The following TMEM131L variants were observed in gnomAD, a reference collection of about 807,000 sequenced individuals.
The protein encoded by TMEM131L is transmembrane protein 131-like.
In TMEM131L, 54 loss-of-function variants were observed where a neutral mutation model predicts 192.2. That is an observed-to-expected ratio of 0.28 (90% CI 0.23 to 0.35). The LOEUF (loss-of-function observed/expected upper bound fraction) is 0.35, where lower values mean the gene tolerates loss of function less well. Ranked by LOEUF, TMEM131L falls within the 10% of genes least tolerant of loss-of-function variation. The probability of loss-of-function intolerance (pLI) is 1.00; values close to 1 mark genes in which losing one functional copy is unlikely to be tolerated. For missense variants in TMEM131L, 1,888 were observed against 1,972.9 expected (o/e 0.96, Z 0.82); for synonymous variants, 701 against 704.9 (o/e 0.99, Z 0.09).
Position 153,555,931 on chromosome 4 carries a change from G to A in TMEM131L, c.432+21G>A, listed in dbSNP as rs192392331. On this transcript the variant is annotated intron_variant, in intron 5 of 34. Coordinates refer to ENST00000409959, the MANE Select transcript of TMEM131L (RefSeq NM_001131007.2). The surrounding 1 kb of genome is among the most constrained non-coding windows in gnomAD (Gnocchi z 4.1). ...GCAGGGTGGGTGTTGATGGACTCCT[G>A]GAAACTATGCCGTGGCAGGCAGCCA... 2.6e-6 allele frequency: 4 copies of A among 1,548,388 alleles called. No individual in the cohort carries two copies. The East Asian group carries it at 9.8e-5, about 38-fold the overall frequency.
intron 7 of TMEM131L, among the ~76,000 whole-genome samples, chr4:153,560,758 T>C (rs546034607): frequency 1.2e-4 from 18 of 152,370 alleles, no homozygotes; most frequent in Middle Eastern, 3.4e-3. Flanking sequence ...ATAATACACA[T>C]TGTAGGATAT....
Position 153,540,220 on chromosome 4 carries a change from G to A in TMEM131L, c.240-9853G>A, listed in dbSNP as rs187734889. Among the ~76,000 whole-genome samples the A allele has an allele frequency of 2.6e-5, 4 of 151,928 alleles. No homozygotes were observed. The East Asian group carries it at 7.7e-4, about 29-fold the overall frequency. On this transcript the variant is annotated intron_variant, in intron 3 of 34. Coordinates refer to ENST00000409959, the MANE Select transcript of TMEM131L (RefSeq NM_001131007.2). ...CCGGGTCATAAAGTTACATAGGATT[G>A]TTCTTCGGTCCTACTGAGAAACTCT...
chr4:153,478,778 CT>C (rs1222897620), intron 3 of TMEM131L, among the ~76,000 whole-genome samples: 2 of 152,076 alleles, frequency 1.3e-5, no homozygotes. Flanking sequence ...GTCATTTATC[CT>C]TAATCTTATT....
At chr4:153,568,279 T>C (rs939748073) in intron 7 of TMEM131L, among the ~76,000 whole-genome samples, 1 of 152,128 alleles carries the variant, frequency 6.6e-6, no homozygotes, top group Non-Finnish European at 1.5e-5. Flanking sequence ...AGTGGGGGTG[T>C]TCTCCCTCCC....
In TMEM131L at chr4:153,635,417, T is replaced by C; in HGVS notation, c.4418-15T>C. ...AAAATGTTTACCTATGATGATATTC[T>C]CCCATTCTTTGTAGAAAACATGAAC... On this transcript the variant is annotated splice_polypyrimidine_tract_variant and intron_variant, in intron 33 of 34. Coordinates refer to ENST00000409959, the MANE Select transcript of TMEM131L (RefSeq NM_001131007.2). The C allele has an allele frequency of 6.2e-7, 1 of 1,612,670 alleles. No homozygotes were observed. Among genetic ancestry groups the C allele is most frequent in the Non-Finnish European group, 8.5e-7 (1 of 1,178,904 alleles).
intron 3 of TMEM131L, among the ~76,000 whole-genome samples, chr4:153,487,452 C>T (rs1732419757): frequency 6.6e-6 from 1 of 152,146 alleles, no homozygotes. Flanking sequence ...ATCAGGGTCT[C>T]ATATGTCCTG....
intron 7 of TMEM131L, among the ~76,000 whole-genome samples, chr4:153,560,031 T>G (rs1411248809): frequency 1.3e-5 from 2 of 152,054 alleles, no homozygotes; most frequent in African/African-American, 4.8e-5. Flanking sequence ...TTTCTCCAAA[T>G]TAACCCTTAT....
intron 7 of TMEM131L, among the ~76,000 whole-genome samples, chr4:153,567,514 A>G (rs1179525474): frequency 1.3e-5 from 2 of 151,656 alleles, no homozygotes; most frequent in Non-Finnish European, 2.9e-5. Flanking sequence ...TAGTAAGTGA[A>G]GCAAGAAAGC....
intron 3 of TMEM131L, among the ~76,000 whole-genome samples, chr4:153,538,130 C>T (rs926144978): frequency 6.6e-6 from 1 of 152,200 alleles, no homozygotes; most frequent in African/African-American, 2.4e-5. Context: ...ATTCTTACCC[C>T]TTGCCTTCCC....
rs760681541 is a variant in TMEM131L, at chr4:153,583,553, T to G, written c.952-11T>G. ...TGAGAGTAGTCACATGGGACTTTTC[T>G]TTTATTTCAGGATATACGCCATTTC... On this transcript the variant is annotated splice_polypyrimidine_tract_variant and intron_variant, in intron 10 of 34. Coordinates refer to ENST00000409959, the MANE Select transcript of TMEM131L (RefSeq NM_001131007.2). 11 of 1,583,346 alleles carry G rather than the reference T, an allele frequency of 6.9e-6. No individual in the cohort carries two copies. Among genetic ancestry groups the G allele is most frequent in the Admixed American group, 1.7e-5 (1 of 59,520 alleles).
intron 7 of TMEM131L, among the ~76,000 whole-genome samples, chr4:153,574,710 C>T (rs1046268065): frequency 7.2e-5 from 11 of 152,204 alleles, no homozygotes; most frequent in African/African-American, 2.7e-4. Context: ...GCTTCAGCCT[C>T]CCGAGAAGCT....
chr4:153,504,618 T>A (rs1260543144), intron 3 of TMEM131L, among the ~76,000 whole-genome samples: 1 of 152,160 alleles, frequency 6.6e-6, no homozygotes, highest in Non-Finnish European at 1.5e-5. Flanking sequence ...AAGAGAAATA[T>A]TATTTTGCTG....
chr4:153,621,661 TGTGTGTG>T lies in TMEM131L; in HGVS notation c.3693-21_3693-15del. 6.3e-7 allele frequency: 1 copy of T among 1,577,978 alleles called. No homozygotes were observed. The highest frequency in any genetic ancestry group is 1.4e-5 in the African/African-American group (1 of 73,912). ...ATGATAAAATACAGATGTGTTTTTT[TGTGTGTG>T]TGTGTCTTTTCCAGGCCTCCTGAAC... On this transcript the variant is annotated splice_polypyrimidine_tract_variant and intron_variant, in intron 27 of 34. Coordinates refer to ENST00000409959, the MANE Select transcript of TMEM131L (RefSeq NM_001131007.2).
At chr4:153,478,682 G>A (rs1344123035) in intron 3 of TMEM131L, among the ~76,000 whole-genome samples, 1 of 152,034 alleles carries the variant, frequency 6.6e-6, no homozygotes, top group African/African-American at 2.4e-5. Context: ...AGATTTGTCG[G>A]TTCTCATTTA....
chr4:153,604,766 G>A (rs1214149266), intron 25 of TMEM131L, among the ~76,000 whole-genome samples: 1 of 152,164 alleles, frequency 6.6e-6, no homozygotes, highest in African/African-American at 2.4e-5. Flanking sequence ...GTGCAGTGGT[G>A]TGATCTTGGC....
chr4:153,526,140 A>T (rs1371650795), intron 3 of TMEM131L, among the ~76,000 whole-genome samples: 1 of 152,120 alleles, frequency 6.6e-6, no homozygotes, highest in African/African-American at 2.4e-5. Flanking sequence ...TACAGGCGTG[A>T]GCCACCACAC....
intron 3 of TMEM131L, among the ~76,000 whole-genome samples, chr4:153,507,739 C>T (rs1734084369): frequency 6.6e-6 from 1 of 151,932 alleles, no homozygotes; most frequent in Non-Finnish European, 1.5e-5. Context: ...AAACAAAAAA[C>T]CAGGGAACGC....
chr4:153,511,819 C>A (rs1286808209), intron 3 of TMEM131L, among the ~76,000 whole-genome samples: 1 of 152,150 alleles, frequency 6.6e-6, no homozygotes, highest in Non-Finnish European at 1.5e-5. Flanking sequence ...CCATCTGTCT[C>A]ATTAAGATAC....
chr4:153,635,221 C>A (rs1032870878), intron 33 of TMEM131L, among the ~76,000 whole-genome samples: 2 of 152,136 alleles, frequency 1.3e-5, no homozygotes, highest in African/African-American at 4.8e-5. Context: ...GGAAGACCTT[C>A]CACATTGAGG....
Sources: gnomAD v4.1 joint callset for allele counts (sites outside exome capture counted in the v4.1 genomes callset) on GRCh38, gnomAD v4.1.1 for gene constraint, Gnocchi (gnomAD v3.1) non-coding constraint, MANE v1.5 for transcripts, NCBI Gene and HGNC (gene_info 2026-07-23, HGNC 2026-07-21) for gene names.